The following MMP26 variants were observed in gnomAD, a reference collection of about 807,000 sequenced individuals.
MMP26 encodes matrix metallopeptidase 26, also known as matrix metalloproteinase-26.
In MMP26, 33 loss-of-function variants were observed where a neutral mutation model predicts 31.0. The observed-to-expected ratio is 1.06, with a 90% CI of 0.81 to 1.42. The LOEUF (loss-of-function observed/expected upper bound fraction) is 1.42, where lower values mean the gene tolerates loss of function less well. MMP26 is among the 40% of genes most tolerant of loss of function. MMP26 has a pLI of 0.00. For missense variants in MMP26, 347 were observed against 316.1 expected, an observed-to-expected ratio of 1.10 and a Z score of -0.74; for synonymous variants, 122 against 114.9, an observed-to-expected ratio of 1.06 and a Z score of -0.40.
chr11:4,931,755 T>C (rs1388153553), intron 2 of MMP26, among the ~76,000 whole-genome samples: 1 of 152,064 alleles, frequency 6.6e-6, no homozygotes, highest in African/African-American at 2.4e-5. Context: ...TTGGGTCACT[T>C]GCATTAAGTT....
In MMP26 at chr11:4,838,315, T is replaced by TAAAA. The variant is rs540572047; in HGVS notation, c.-145+71012_-145+71015dup. Among the ~76,000 whole-genome samples the TAAAA allele has an allele frequency of 8.9e-3, 245 of 27,410 alleles. 73 individuals carry two copies. The highest frequency in any genetic ancestry group is 0.017 in the Non-Finnish European group (172 of 9,952). 18.0% of individuals were successfully genotyped at this position (27,410 alleles called of 152,430 possible). A position where few individuals can be genotyped will look rare whatever the true frequency, so the allele number is the denominator to read the frequency against. Reference sequence around the variant, plus strand: ...CCAGGGCACAGGGCAAGACTCTGTCTAAAAAAAAAAAAAAAAAAAAAAAAA... The same window carrying TAAAA: ...CCAGGGCACAGGGCAAGACTCTGTCTAAAAAAAAAAAAAAAAAAAAAAAAAAAAA... On this transcript the variant is annotated intron_variant, in intron 2 of 7. Coordinates refer to ENST00000380390, the MANE Select transcript of MMP26 (RefSeq NM_021801.5).
chr11:4,987,513 G>A (rs947692760), intron 2 of MMP26, among the ~76,000 whole-genome samples: 5 of 151,924 alleles, frequency 3.3e-5, no homozygotes, highest in Non-Finnish European at 5.9e-5. Context: ...CCGCCTCCCG[G>A]GTTCACGCCA....
intron 2 of MMP26, among the ~76,000 whole-genome samples, chr11:4,885,147 T>C (rs2133542717): frequency 6.6e-6 from 1 of 152,274 alleles, no homozygotes; most frequent in Admixed American, 6.5e-5. Flanking sequence ...ATGGTAATTG[T>C]CAATAGGCTA....
At chr11:4,779,656 G>C (rs921748602) in intron 2 of MMP26, among the ~76,000 whole-genome samples, 1 of 151,968 alleles carries the variant, frequency 6.6e-6, no homozygotes, top group Non-Finnish European at 1.5e-5. Context: ...ATTCACATTT[G>C]AATTTCTTTC....
chr11:4,915,488 G>A (rs138313554), intron 2 of MMP26: 2 of 1,614,032 alleles, frequency 1.2e-6, no homozygotes, highest in Non-Finnish European at 1.7e-6. Flanking sequence ...TTCATGAAGT[G>A]AGCGCTCTGT....
At chr11:4,909,155 C>T (rs1011588554) in intron 2 of MMP26, 2 of 151,950 alleles carry the variant, frequency 1.3e-5, no homozygotes, top group Admixed American at 1.3e-4. Context: ...AAAAAATCAG[C>T]CCCTCTAATA....
At chr11:4,933,349 C>A (rs1347660257) in intron 2 of MMP26, among the ~76,000 whole-genome samples, 1 of 152,012 alleles carries the variant, frequency 6.6e-6, no homozygotes, top group Non-Finnish European at 1.5e-5. Context: ...TCACTAGTCT[C>A]CTGGGATTCA....
intron 2 of MMP26, among the ~76,000 whole-genome samples, chr11:4,956,926 T>C (rs1846452120): frequency 6.6e-6 from 1 of 152,228 alleles, no homozygotes. Context: ...CATTACCAGA[T>C]GATGATTTGG....
chr11:4,736,708 G>A (rs10742372), intron 1 of MMP26: 65,507 of 152,046 alleles, frequency 0.43, 14,624 homozygotes, highest in African/African-American at 0.54. Context: ...AGTATACCTC[G>A]GGGGGTTACA....
chr11:4,763,200 A>G lies in MMP26; in HGVS notation c.-216-4070A>G, dbSNP rs1051294667. Among the ~76,000 whole-genome samples, 14 of 152,214 alleles carry G rather than the reference A, an allele frequency of 9.2e-5. 1 individual carries two copies. The South Asian group carries it at 1.0e-3, about 11-fold the overall frequency. ...AATGATATGAAGTCTGCATCAAAGA[A>G]GCCGTATTTATGTTAAACGTTACCA... On this transcript the variant is annotated intron_variant, in intron 1 of 7. Transcript: ENST00000380390.
chr11:4,964,892 G>GAAC, intron 2 of MMP26, among the ~76,000 whole-genome samples: 1 of 152,288 alleles, frequency 6.6e-6, no homozygotes, highest in East Asian at 1.9e-4. Context: ...ACATGCAGGG[G>GAAC]AACAACACAC....
intron 2 of MMP26, among the ~76,000 whole-genome samples, chr11:4,858,731 T>A (rs942708515): frequency 6.6e-6 from 1 of 152,162 alleles, no homozygotes; most frequent in African/African-American, 2.4e-5. Context: ...ACTTTAAAGT[T>A]CATATGGAAC....
chr11:4,914,766 TCA>T (rs1162263094), intron 2 of MMP26: 2 of 1,613,976 alleles, frequency 1.2e-6, no homozygotes, highest in South Asian at 2.2e-5. Context: ...TGTTTGGTCT[TCA>T]CACTGTAGAC....
chr11:4,743,677 G>C (rs2133294567), intron 1 of MMP26, among the ~76,000 whole-genome samples: 1 of 152,226 alleles, frequency 6.6e-6, no homozygotes, highest in Admixed American at 6.5e-5. Flanking sequence ...ACTTCTTTTT[G>C]AGACTCAGCA....
chr11:4,874,201 C>T (rs756738596), intron 2 of MMP26, among the ~76,000 whole-genome samples: 9 of 151,946 alleles, frequency 5.9e-5, no homozygotes, highest in African/African-American at 1.5e-4. Context: ...ATTTAAAATA[C>T]GACTAGTACA....
chr11:4,880,387 C>A (rs1850442897), intron 2 of MMP26, among the ~76,000 whole-genome samples: 1 of 151,156 alleles, frequency 6.6e-6, no homozygotes, highest in African/African-American at 2.4e-5. Context: ...GAAGATAAAG[C>A]AATAAATTGA....
intron 2 of MMP26, chr11:4,924,434 T>C (rs1564808335): frequency 5.9e-5 from 77 of 1,315,476 alleles, no homozygotes; most frequent in Non-Finnish European, 2.1e-6. Context: ...TGTCCCAAGA[T>C]CAGCCAGTAA....
At chr11:4,866,244 C>A (rs867681338) in intron 2 of MMP26, among the ~76,000 whole-genome samples, 5 of 152,150 alleles carry the variant, frequency 3.3e-5, no homozygotes, top group South Asian at 2.1e-4. Flanking sequence ...TCAGTGGCAA[C>A]ACTTAGTGCA....
chr11:4,791,088 C>A (rs1261623043), intron 2 of MMP26, among the ~76,000 whole-genome samples: 1 of 152,098 alleles, frequency 6.6e-6, no homozygotes, highest in Non-Finnish European at 1.5e-5. Context: ...TCTTGAGCAC[C>A]TACTGTGTGC....
Sources: allele counts gnomAD v4.1 joint callset (sites outside exome capture counted in the v4.1 genomes callset), GRCh38; gene constraint gnomAD v4.1.1; transcripts MANE v1.5; gene names NCBI Gene and HGNC (gene_info 2026-07-23, HGNC 2026-07-21).